The following NUP155 variants were observed in gnomAD, a reference collection of about 807,000 sequenced individuals.
NUP155 encodes the protein nuclear pore complex protein Nup155.
NUP155 carries 71 observed loss-of-function variants against 180.4 expected under a neutral mutation model. The ratio of observed to expected loss-of-function variants is 0.39; its 90% CI spans 0.33 to 0.48. The LOEUF is 0.48. Ranked by LOEUF, NUP155 falls within the 20% of genes least tolerant of loss-of-function variation. NUP155 has a pLI of 0.91. For missense variants in NUP155, 1,553 were observed against 1,648.9 expected (o/e 0.94, Z 1.01); for synonymous variants, 582 against 559.5 (o/e 1.04, Z -0.57).
intron 20 of NUP155, among the ~76,000 whole-genome samples, chr5:37,322,673 C>T (rs1232686913): frequency 6.7e-6 from 1 of 149,024 alleles, no homozygotes; most frequent in Non-Finnish European, 1.5e-5. Flanking sequence ...CACCACTGCA[C>T]TCCAGGCTGG....
intron 5 of NUP155, among the ~76,000 whole-genome samples, 186 bp downstream of exon 5, chr5:37,352,551 A>G (rs1487053824): frequency 6.6e-6 from 1 of 152,102 alleles, no homozygotes; most frequent in Non-Finnish European, 1.5e-5. Flanking sequence ...AAAACAAAAC[A>G]AAACAAAACA....
At chr5:37,302,228 A>G (rs1196299408) in intron 29 of NUP155, among the ~76,000 whole-genome samples, 1 of 152,052 alleles carries the variant, frequency 6.6e-6, no homozygotes. Flanking sequence ...AAAAACATTT[A>G]TTTTTTATTA....
chr5:37,310,799 A>G (rs1346991984), intron 22 of NUP155, 56 bp from the exon 23 acceptor site: 1 of 1,303,492 alleles, frequency 7.7e-7, no homozygotes, highest in Non-Finnish European at 1.1e-6. Flanking sequence ...TTCTAAACAT[A>G]ATGAAATTAT....
Position 37,357,961 on chromosome 5 carries a change from C to T in NUP155, c.463+120G>A, listed in dbSNP as rs542091457. ...TGAGCCAAGATTGCGCCACTGCACT[C>T]CAGCCTACTCGATGGAACGAGACTC... On this transcript the variant is annotated intron_variant, in intron 4 of 34. Coordinates refer to ENST00000231498, the MANE Select transcript of NUP155 (RefSeq NM_153485.3). The T allele has an allele frequency of 1.7e-5, 12 of 722,526 alleles. No homozygotes were observed. In the African/African-American group the frequency reaches 1.9e-4, roughly 11 times the overall value. The allele number at this position is 722,526 out of a possible 1,614,324, so 44.8% of individuals were successfully genotyped here.
At chr5:37,317,041 C>T (rs1316226569) in intron 21 of NUP155, among the ~76,000 whole-genome samples, 2 of 149,480 alleles carry the variant, frequency 1.3e-5, no homozygotes, top group Admixed American at 6.7e-5. Flanking sequence ...TGGTGGCGGG[C>T]GCCTGTAGTC....
chr5:37,303,247 T>C lies in NUP155; in HGVS notation c.3317+13A>G, dbSNP rs1742963575. The C allele has an allele frequency of 6.2e-7, 1 of 1,613,652 alleles. No homozygotes were observed. The highest frequency in any genetic ancestry group is 1.7e-4 in the Middle Eastern group (1 of 6,058). On this transcript the variant is annotated intron_variant, in intron 28 of 34. Coordinates refer to ENST00000231498, the MANE Select transcript of NUP155 (RefSeq NM_153485.3). ...TTTGAATCATTCTTCACAATAAGAA[T>C]ATTATGCCATACCTATGCATGTCAG...
At chr5:37,312,688 G>C (rs1743601157) in intron 22 of NUP155, among the ~76,000 whole-genome samples, 1 of 152,118 alleles carries the variant, frequency 6.6e-6, no homozygotes, top group Admixed American at 6.6e-5. Context: ...AATTAGCTAG[G>C]CGTAGTGGTG....
Position 37,341,110 on chromosome 5 carries a change from T to C in NUP155, c.1226A>G (p.His409Arg). Residue 409 changes from histidine to arginine, a missense_variant, in exon 11 of 35, where the codon CAT becomes CGT. His to Arg is a conservative substitution (Grantham distance 29). Transcript: ENST00000231498. ...CTTACCTTTACTATAAAGAGCTCTATGTACTTTTGAAGGCTTTTCCACGGT... is the reference window on the plus strand; with the variant it reads ...CTTACCTTTACTATAAAGAGCTCTACGTACTTTTGAAGGCTTTTCCACGGT... ...SSTVEKPSKV[H>R]RALYSKGILL... 1 of 1,613,038 alleles carries C rather than the reference T, an allele frequency of 6.2e-7. No homozygotes were observed. Among genetic ancestry groups the C allele is most frequent in the Non-Finnish European group, 8.5e-7 (1 of 1,179,004 alleles).
At chr5:37,366,295 A>C (rs1747579754) in intron 1 of NUP155, among the ~76,000 whole-genome samples, 1 of 152,184 alleles carries the variant, frequency 6.6e-6, no homozygotes, top group South Asian at 2.1e-4. Context: ...CATATAAAAC[A>C]ATCTTGAAGT....
At chr5:37,318,767 C>A (rs1744067213) in intron 20 of NUP155, among the ~76,000 whole-genome samples, 1 of 152,104 alleles carries the variant, frequency 6.6e-6, no homozygotes, top group East Asian at 1.9e-4. Context: ...TTAAGGCTCA[C>A]TGAGAGCTGT....
At chr5:37,365,809 C>A (rs1326982530) in intron 1 of NUP155, among the ~76,000 whole-genome samples, 3 of 138,772 alleles carry the variant, frequency 2.2e-5, no homozygotes, top group African/African-American at 8.0e-5. Flanking sequence ...CTACTATGTA[C>A]ACACAAAATT....
chr5:37,302,408 T>A (rs938513874), intron 29 of NUP155, among the ~76,000 whole-genome samples: 6 of 152,090 alleles, frequency 3.9e-5, no homozygotes, highest in Non-Finnish European at 7.3e-5. Flanking sequence ...AATTCTTGTA[T>A]TTTTTTAAGT....
chr5:37,368,815 AAAAT>A (rs895633159), intron 1 of NUP155, among the ~76,000 whole-genome samples: 6 of 152,190 alleles, frequency 3.9e-5, no homozygotes, highest in South Asian at 2.1e-4. Context: ...TCTGTCTCAA[AAAAT>A]AAATAAATAA....
At chr5:37,308,541 C>T (rs1743312607) in intron 24 of NUP155, among the ~76,000 whole-genome samples, 2 of 151,540 alleles carry the variant, frequency 1.3e-5, no homozygotes. Context: ...ACTAAAAATA[C>T]AAAAAAATTA....
intron 20 of NUP155, among the ~76,000 whole-genome samples, chr5:37,319,061 C>A (rs368115938): frequency 2.0e-5 from 3 of 152,092 alleles, no homozygotes; most frequent in Non-Finnish European, 2.9e-5. Context: ...CAAACATGAG[C>A]CCCCAAAACA....
At chr5:37,351,016 G>A (rs1447107212) in intron 6 of NUP155, among the ~76,000 whole-genome samples, 174 bp downstream of exon 6, 1 of 151,926 alleles carries the variant, frequency 6.6e-6, no homozygotes, top group Non-Finnish European at 1.5e-5. Context: ...TACCTCTGAG[G>A]GCTGAGTTTT....
At chr5:37,304,182 G>A (rs1040170866) in intron 27 of NUP155, among the ~76,000 whole-genome samples, 14 of 149,248 alleles carry the variant, frequency 9.4e-5, no homozygotes, top group South Asian at 2.1e-4. Flanking sequence ...CCCGGGAGGC[G>A]GAGGTTGCAG....
At chr5:37,356,463 C>T (rs368859312) in intron 4 of NUP155, among the ~76,000 whole-genome samples, 1 of 151,518 alleles carries the variant, frequency 6.6e-6, no homozygotes, top group African/African-American at 2.4e-5. Context: ...GCCAACATGG[C>T]GAAACCCTGT....
At position 37,327,622 on chromosome 5, in the gene NUP155, A is replaced by G; in HGVS notation, c.2024+7T>C. 6.2e-7 allele frequency: 1 copy of G among 1,613,988 alleles called. No homozygotes were observed. Among genetic ancestry groups the G allele is most frequent in the Non-Finnish European group, 8.5e-7 (1 of 1,179,890 alleles). ...AGCAATAATTCATTATTTCATGACA[A>G]ACTTACCCCATGATCCGAGAAAAGT... On this transcript the variant is annotated splice_region_variant and intron_variant, in intron 18 of 34. Transcript: ENST00000231498.
Sources: gnomAD v4.1 joint callset for allele counts (sites outside exome capture counted in the v4.1 genomes callset) on GRCh38, gnomAD v4.1.1 for gene constraint, MANE v1.5 for transcripts, NCBI Gene and HGNC (gene_info 2026-07-23, HGNC 2026-07-21) for gene names.